Variants in USE1 observed in about 807,000 individuals in gnomAD.
USE1 encodes unconventional SNARE in the ER 1.
A neutral mutation model predicts 37.6 loss-of-function variants in USE1; 32 were observed. That is an observed-to-expected ratio of 0.85 (90% CI 0.64 to 1.14). The LOEUF (loss-of-function observed/expected upper bound fraction) is 1.14. Among genes scored for constraint, USE1 ranks in the 50% most tolerant of loss-of-function variants. USE1 has a pLI of 0.00. For missense variants in USE1, 310 were observed against 332.2 expected (o/e 0.93, Z 0.52); for synonymous variants, 149 against 137.6 (o/e 1.08, Z -0.58).
Position 17,218,213 on chromosome 19 carries a change from G to C in USE1, c.395-151G>C, listed in dbSNP as rs560614271. ...GAGTAAGGAGACCCTCCTAGAAGAG[G>C]GGGTATTCAAGCATGGTCAGAAGCC... On this transcript the variant is annotated intron_variant, in intron 5 of 7. Transcript: ENST00000263897. 9.9e-5 allele frequency: 97 copies of C among 980,822 alleles called. No individual in the cohort carries two copies. In the African/African-American group the frequency reaches 1.3e-3, roughly 13 times the overall value. The allele number at this position is 980,822 out of a possible 1,614,324, so 60.8% of individuals were successfully genotyped here. A position where few individuals can be genotyped will look rare whatever the true frequency, so the allele number is the denominator to read the frequency against.
chr19:17,216,064 G>A lies in USE1; in HGVS notation c.225G>A (p.Glu75=), dbSNP rs1417523063. The A allele has an allele frequency of 1.2e-6, 2 of 1,612,690 alleles. No homozygotes were observed. Among genetic ancestry groups the A allele is most frequent in the Non-Finnish European group, 1.7e-6 (2 of 1,179,474 alleles). ...VDFLKGMLQA[E]KLTSSSEKAL... is the part of the protein sequence containing the mutation. ...TTCTGAAGGGGATGCTGCAAGCCGA[G>A]AAGCTGGTGAGAAGGGGTGCCCCTG... The change falls in exon 3 of 8, where the codon GAG becomes GAA. Residue 75 remains glutamate (E), a synonymous_variant. Transcript: ENST00000263897.
Position 17,215,390 on chromosome 19 carries a change from G to A in USE1, c.-16G>A. Reference sequence around the variant, plus strand: ...ACATGGAGCCGGCGGAAGGGGTGGTGTAGGGCCGGGCGATAATGGCGGCGT... The same window carrying A: ...ACATGGAGCCGGCGGAAGGGGTGGTATAGGGCCGGGCGATAATGGCGGCGT... On this transcript the variant is annotated 5_prime_UTR_variant, in exon 1 of 8. Transcript: ENST00000263897. The A allele has an allele frequency of 6.4e-7, 1 of 1,552,560 alleles. No homozygotes were observed. Among genetic ancestry groups the A allele is most frequent in the Non-Finnish European group, 8.7e-7 (1 of 1,149,322 alleles).
At chr19:17,218,214 G>A in intron 5 of USE1, 150 bp from the exon 6 acceptor site, 1 of 992,570 alleles carries the variant, frequency 1.0e-6, no homozygotes. Context: ...CTAGAAGAGG[G>A]GGTATTCAAG....
At chr19:17,216,757 A>C (rs1327946582) in intron 4 of USE1, among the ~76,000 whole-genome samples, 1 of 152,140 alleles carries the variant, frequency 6.6e-6, no homozygotes, top group East Asian at 1.9e-4. Context: ...AGGCGGGCGG[A>C]TCATTTGAGG....
chr19:17,219,585 A>G (rs1434794399), intron 7 of USE1, 46 bp from the exon 8 acceptor site: 3 of 1,551,146 alleles, frequency 1.9e-6, no homozygotes, highest in Non-Finnish European at 2.6e-6. Context: ...GAGAGAGGCC[A>G]TTCTTGGCCC....
At position 17,216,007 on chromosome 19, in the gene USE1, G is replaced by A. The variant is rs1299551996; in HGVS notation, c.168G>A (p.Glu56=). Residue 56 remains glutamate, a synonymous_variant, in exon 3 of 8, where the codon GAG becomes GAA. Transcript: ENST00000263897. Reference sequence around the variant, plus strand: ...TGCCTTCCAGCAAACCGGCCTCTGAGGTGATCAATGAATATTCCTGGAAGG... The same window carrying A: ...TGCCTTCCAGCAAACCGGCCTCTGAAGTGATCAATGAATATTCCTGGAAGG... ...LKVHASKPAS[E]VINEYSWKVD... is the part of the protein sequence containing the mutation. 1 of 1,607,086 alleles carries A rather than the reference G, an allele frequency of 6.2e-7. No homozygotes were observed. The highest frequency in any genetic ancestry group is 2.2e-5 in the East Asian group (1 of 44,666).
rs1283407662 is a variant in USE1, at chr19:17,215,382, G to A, written c.-24G>A. ...CTCTCTTAACATGGAGCCGGCGGAA[G>A]GGGTGGTGTAGGGCCGGGCGATAAT... On this transcript the variant is annotated 5_prime_UTR_variant, in exon 1 of 8. Transcript: ENST00000263897. 3.2e-6 allele frequency: 5 copies of A among 1,549,048 alleles called. No individual in the cohort carries two copies. Among genetic ancestry groups the A allele is most frequent in the African/African-American group, 1.4e-5 (1 of 73,058 alleles).
At chr19:17,219,161 C>T (rs1333507094) in intron 6 of USE1, 52 bp from the exon 7 acceptor site, 1 of 1,558,508 alleles carries the variant, frequency 6.4e-7, no homozygotes, top group East Asian at 2.3e-5. Context: ...TTGGTCTTCT[C>T]CCCTTTCCCA....
At chr19:17,219,154 G>T (rs1357351009) in intron 6 of USE1, 59 bp from the exon 7 acceptor site, 13 of 1,539,486 alleles carry the variant, frequency 8.4e-6, no homozygotes, top group Non-Finnish European at 1.1e-5. Flanking sequence ...AAATGTGTTG[G>T]TCTTCTCCCC....
At chr19:17,218,553 C>G in intron 6 of USE1, 162 bp downstream of exon 6, 1 of 829,598 alleles carries the variant, frequency 1.2e-6, no homozygotes, top group Middle Eastern at 2.9e-4. Flanking sequence ...AGGCCAGGCG[C>G]AGTGGCTCAC....
At chr19:17,215,567 G>A (rs763075090) in intron 1 of USE1, 60 bp downstream of exon 1, 21 of 1,532,776 alleles carry the variant, frequency 1.4e-5, no homozygotes, top group Middle Eastern at 4.5e-4. Flanking sequence ...TCCTAGGGTT[G>A]GAAGCCACCT....
chr19:17,216,886 G>A (rs1331951625), intron 4 of USE1, among the ~76,000 whole-genome samples: 1 of 152,030 alleles, frequency 6.6e-6, no homozygotes, highest in Non-Finnish European at 1.5e-5. Flanking sequence ...GCTGAGGCAG[G>A]AGAATCGCTT....
chr19:17,215,662 GT>G, intron 1 of USE1, 139 bp from the exon 2 acceptor site: 1 of 774,002 alleles, frequency 1.3e-6, no homozygotes. Context: ...TTCCGCCCCC[GT>G]CCCTGGGACT....
At position 17,219,229 on chromosome 19, in the gene USE1, C is replaced by T. The variant is rs2073310156; in HGVS notation, c.439C>T (p.Gln147Ter). Residue 147 changes from glutamine (Q) to a stop codon, truncating the protein, a stop_gained, in exon 7 of 8, where the codon CAG (glutamine) becomes TAG (stop). Transcript: ENST00000263897. LOFTEE classifies it high-confidence loss of function. ...VRKRTGVAGS[Q>*]PVSEKQLAAE... ...TGAAATCAGTGGAGTGGCAGGGTCC[C>T]AGCCAGTGAGTGAGAAGCAGTTGGC... 1 of 1,613,498 alleles carries T rather than the reference C, an allele frequency of 6.2e-7. No individual in the cohort carries two copies. Among genetic ancestry groups the T allele is most frequent in the South Asian group, 1.1e-5 (1 of 91,060 alleles).
In USE1 at chr19:17,219,393, G is replaced by C. The variant is rs747247320; in HGVS notation, c.597+6G>C. 6.4e-7 allele frequency: 1 copy of C among 1,550,638 alleles called. No homozygotes were observed. ...TCATCAAGAAGGACAACCAGGTGTG[G>C]GGACTGGGGGAGCTCTCCAGCCTCT... On this transcript the variant is annotated splice_donor_region_variant and intron_variant, in intron 7 of 7. Coordinates refer to ENST00000263897, the MANE Select transcript of USE1 (RefSeq NM_018467.4).
At chr19:17,217,670 C>T (rs935174137) in intron 5 of USE1, 6 of 710,296 alleles carry the variant, frequency 8.4e-6, no homozygotes, top group Admixed American at 4.3e-5. Context: ...CCTGTAATTT[C>T]GGAGGCTGAG....
At chr19:17,218,267 A>C in intron 5 of USE1, 97 bp from the exon 6 acceptor site, 2 of 1,543,698 alleles carry the variant, frequency 1.3e-6, no homozygotes, top group Non-Finnish European at 1.8e-6. Context: ...ATGAGGAAAC[A>C]GCATTCCAAG....
Position 17,215,410 on chromosome 19 carries a change from C to G in USE1, c.5C>G (p.Ala2Gly). M[A>G]ASRLELNLVR... ...GTGGTGTAGGGCCGGGCGATAATGGCGGCGTCGAGGCTGGAGCTAAACCTG... is the reference window on the plus strand; with the variant it reads ...GTGGTGTAGGGCCGGGCGATAATGGGGGCGTCGAGGCTGGAGCTAAACCTG... The change falls in exon 1 of 8, where the codon GCG becomes GGG. Residue 2 changes from alanine to glycine, a missense_variant. By Grantham distance (60) the Ala-to-Gly change is moderately conservative. Transcript: ENST00000263897. 6.4e-7 allele frequency: 1 copy of G among 1,557,102 alleles called. No homozygotes were observed. Among genetic ancestry groups the G allele is most frequent in the East Asian group, 2.4e-5 (1 of 41,360 alleles).
Position 17,216,293 on chromosome 19 carries a change from G to C in USE1, c.356G>C (p.Ser119Thr). The change falls in exon 4 of 8, where the codon AGC becomes ACC. Residue 119 changes from serine (S) to threonine (T), a missense_variant. Physicochemically the swap from Ser to Thr is moderately conservative, Grantham distance 58. Coordinates refer to ENST00000263897, the MANE Select transcript of USE1 (RefSeq NM_018467.4). Reference protein sequence around the residue: ...VHLQSRARYTSEMRSELLGTD... With the variant: ...VHLQSRARYTTEMRSELLGTD... ...CTGCAGTCACGGGCGCGGTACACCA[G>C]CGAGATGCGGAGTGAGCTACTAGGC... 1 of 1,612,776 alleles carries C rather than the reference G, an allele frequency of 6.2e-7. No homozygotes were observed. The highest frequency in any genetic ancestry group is 8.5e-7 in the Non-Finnish European group (1 of 1,179,640).
Sources: gnomAD v4.1 joint callset for allele counts (sites outside exome capture counted in the v4.1 genomes callset) on GRCh38, gnomAD v4.1.1 for gene constraint, MANE v1.5 for transcripts, NCBI Gene and HGNC (gene_info 2026-07-23, HGNC 2026-07-21) for gene names.